The following PDE1C variants were observed in gnomAD, a reference collection of about 807,000 sequenced individuals.
PDE1C encodes the protein dual specificity calcium/calmodulin-dependent 3',5'-cyclic nucleotide phosphodiesterase 1C.
PDE1C carries 62 observed loss-of-function variants against 93.1 expected under a neutral mutation model. The observed-to-expected ratio is 0.67, with a 90% CI of 0.54 to 0.82. The LOEUF is 0.82. Among genes scored for constraint, PDE1C ranks in the 40% least tolerant of loss-of-function variants. The pLI, the probability that PDE1C is intolerant of heterozygous loss-of-function variation, is 0.00. For missense variants in PDE1C, 742 were observed against 884.6 expected, an observed-to-expected ratio of 0.84 and a Z score of 2.04; for synonymous variants, 325 against 310.1, an observed-to-expected ratio of 1.05 and a Z score of -0.50.
In PDE1C at chr7:32,312,828, C is replaced by G. The variant is rs1247330316; in HGVS notation, c.311-103289G>C. 2.6e-5 allele frequency among the ~76,000 whole-genome samples: 4 copies of G among 152,166 alleles called. No homozygotes were observed. The South Asian group carries it at 6.2e-4, about 24-fold the overall frequency. On this transcript the variant is annotated intron_variant, in intron 1 of 1. Transcript: ENST00000672256. ...AGAAGAAAACCTAGGCAATACCATTCAGGACATAGGCATAGGCAAGGACTT... is the reference window on the plus strand; with the variant it reads ...AGAAGAAAACCTAGGCAATACCATTGAGGACATAGGCATAGGCAAGGACTT...
At chr7:31,686,337 C>T in the PDE1C span, among the ~76,000 whole-genome samples, 1 of 152,186 alleles carries the variant, frequency 6.6e-6, no homozygotes, top group Non-Finnish European at 1.5e-5. Flanking sequence ...GAACCTTCCT[C>T]TCCAAAAGAC....
intron 2 of PDE1C, among the ~76,000 whole-genome samples, chr7:32,187,156 C>G (rs1399233635): frequency 6.6e-6 from 1 of 151,584 alleles, no homozygotes; most frequent in African/African-American, 2.4e-5. Flanking sequence ...TTCTCTTTCT[C>G]TCTCTCTTTC....
chr7:32,138,268 T>G (rs1800318833), intron 3 of PDE1C, among the ~76,000 whole-genome samples: 1 of 152,228 alleles, frequency 6.6e-6, no homozygotes, highest in South Asian at 2.1e-4. Flanking sequence ...CACATAGTAG[T>G]AATCTATTTT....
chr7:31,715,135 A>G, the PDE1C span, among the ~76,000 whole-genome samples: 53 of 152,354 alleles, frequency 3.5e-4, 1 homozygote, highest in South Asian at 0.011. Context: ...ATGTAAAAAT[A>G]TTCCAACAAT....
chr7:32,065,941 T>G (rs1795349121), intron 1 of PDE1C, among the ~76,000 whole-genome samples: 1 of 152,184 alleles, frequency 6.6e-6, no homozygotes, highest in Non-Finnish European at 1.5e-5. Context: ...TGGAGACACA[T>G]CTACAGGAAC....
intron 1 of PDE1C, among the ~76,000 whole-genome samples, chr7:32,353,945 C>T (rs1293862743): frequency 2.0e-5 from 3 of 152,114 alleles, no homozygotes; most frequent in Admixed American, 2.0e-4. Context: ...GAAAATCAAC[C>T]CAGGATCCCA....
chr7:31,877,455 T>A (rs1264006005), intron 5 of PDE1C, among the ~76,000 whole-genome samples: 1 of 152,058 alleles, frequency 6.6e-6, no homozygotes, highest in Non-Finnish European at 1.5e-5. Context: ...GGCCATACGT[T>A]CATGCAGTAA....
At chr7:32,229,093 T>A (rs1807502138) in intron 1 of PDE1C, among the ~76,000 whole-genome samples, 1 of 152,094 alleles carries the variant, frequency 6.6e-6, no homozygotes, top group Non-Finnish European at 1.5e-5. Context: ...AAGGGAGAGG[T>A]GCTTTGGGCC....
At chr7:31,808,186 C>G (rs1787092328) in intron 16 of PDE1C, 1 of 489,522 alleles carries the variant, frequency 2.0e-6, no homozygotes, top group Admixed American at 2.2e-5. Context: ...CAAAGGTATT[C>G]TAACCAAATG....
intron 2 of PDE1C, among the ~76,000 whole-genome samples, chr7:31,891,933 A>G (rs62456028): frequency 0.16 from 24,253 of 152,132 alleles, 2,414 homozygotes; most frequent in East Asian, 0.26. Flanking sequence ...TAGTTTTTCA[A>G]AATGTTTCCA....
chr7:32,115,807 G>A (rs1490370377), intron 3 of PDE1C, among the ~76,000 whole-genome samples: 1 of 152,058 alleles, frequency 6.6e-6, no homozygotes, highest in Admixed American at 6.6e-5. Flanking sequence ...AGCTCTCTGA[G>A]GAAAGAAAGA....
chr7:31,632,110 A>G, the PDE1C span, among the ~76,000 whole-genome samples: 5 of 152,316 alleles, frequency 3.3e-5, no homozygotes, highest in South Asian at 1.0e-3. Flanking sequence ...ATGTTTTTCA[A>G]TGCCATAGAC....
chr7:31,856,605 T>C (rs1352249143), intron 7 of PDE1C, among the ~76,000 whole-genome samples: 1 of 152,134 alleles, frequency 6.6e-6, no homozygotes, highest in African/African-American at 2.4e-5. Context: ...AGTGCATTTT[T>C]GCATCCATTT....
At chr7:31,634,102 C>T in the PDE1C span, among the ~76,000 whole-genome samples, 1 of 152,188 alleles carries the variant, frequency 6.6e-6, no homozygotes, top group Non-Finnish European at 1.5e-5. Context: ...GTAATGCTGC[C>T]ATCTGGTGAT....
Position 32,240,151 on chromosome 7 carries a change from T to C in PDE1C, c.86-30612A>G, listed in dbSNP as rs954922954. On this transcript the variant is annotated intron_variant, in intron 1 of 18. Transcript: ENST00000396193. ...AGCATAAGCTAGCCCATTCTGAGAGTTACCTTTTATTCCTTTAACTGGGTG... is the reference window on the plus strand; with the variant it reads ...AGCATAAGCTAGCCCATTCTGAGAGCTACCTTTTATTCCTTTAACTGGGTG... Among the ~76,000 whole-genome samples the C allele has an allele frequency of 1.1e-4, 16 of 152,314 alleles. No individual in the cohort carries two copies. The East Asian group carries it at 1.3e-3, about 13-fold the overall frequency.
intron 1 of PDE1C, among the ~76,000 whole-genome samples, chr7:32,056,738 A>G (rs1794168573): frequency 1.3e-5 from 2 of 152,226 alleles, no homozygotes; most frequent in African/African-American, 2.4e-5. Context: ...ATTATAATTC[A>G]GTAGGTTTTC....
chr7:31,849,937 T>C (rs1168838405), intron 8 of PDE1C, among the ~76,000 whole-genome samples: 1 of 152,176 alleles, frequency 6.6e-6, no homozygotes, highest in Non-Finnish European at 1.5e-5. Context: ...ATACTCAGAA[T>C]AAACCCACAG....
At chr7:31,658,642 TGA>T in the PDE1C span, 3 of 221,826 alleles carry the variant, frequency 1.4e-5, no homozygotes, top group Non-Finnish European at 2.6e-5. Context: ...TCTTGAAAAT[TGA>T]GAGAACAGGA....
At chr7:32,026,094 G>A (rs780724839) in intron 2 of PDE1C, among the ~76,000 whole-genome samples, 51 of 151,824 alleles carry the variant, frequency 3.4e-4, no homozygotes, top group Non-Finnish European at 4.6e-4. Flanking sequence ...ACACACACAC[G>A]CGTGCACTCT....
Sources: allele counts gnomAD v4.1 joint callset (sites outside exome capture counted in the v4.1 genomes callset), GRCh38; gene constraint gnomAD v4.1.1; transcripts MANE v1.5; gene names NCBI Gene and HGNC (gene_info 2026-07-23, HGNC 2026-07-21).